Variants in EDEM3 observed in about 807,000 individuals in gnomAD.
EDEM3 encodes the protein ER degradation enhancing alpha-mannosidase like protein 3, also known as ER degradation-enhancing alpha-mannosidase-like protein 3.
In EDEM3, 60 loss-of-function variants were observed where a neutral mutation model predicts 110.2. That is an observed-to-expected ratio of 0.54 (90% CI 0.44 to 0.67). The LOEUF (loss-of-function observed/expected upper bound fraction) is 0.67, where lower values mean the gene tolerates loss of function less well. Among genes scored for constraint, EDEM3 ranks in the 30% least tolerant of loss-of-function variants. The probability of loss-of-function intolerance (pLI) is 0.00; values close to 1 mark genes in which losing one functional copy is unlikely to be tolerated. For synonymous variants in EDEM3, 352 were observed against 382.9 expected, an observed-to-expected ratio of 0.92 and a Z score of 0.94; for missense variants, 996 against 1,121.0, an observed-to-expected ratio of 0.89 and a Z score of 1.59.
chr1:184,692,353 T>G lies in EDEM3; in HGVS notation c.*1710A>C, dbSNP rs894362400. ...AGCCAATAAGGGTCTTGCATACTATTCTTTTTCCCCTCCCCAAAGTGAATT... is the reference window on the plus strand; with the variant it reads ...AGCCAATAAGGGTCTTGCATACTATGCTTTTTCCCCTCCCCAAAGTGAATT... On this transcript the variant is annotated 3_prime_UTR_variant, in exon 20 of 20. Coordinates refer to ENST00000318130, the MANE Select transcript of EDEM3 (RefSeq NM_025191.4). 1 of 152,118 alleles carries G rather than the reference T, an allele frequency of 6.6e-6. No individual in the cohort carries two copies. The highest frequency in any genetic ancestry group is 1.5e-5 in the Non-Finnish European group (1 of 67,994). 9.4% of individuals were successfully genotyped at this position (152,118 alleles called of 1,614,324 possible).
At chr1:184,702,564 G>A (rs1163078440) in intron 19 of EDEM3, among the ~76,000 whole-genome samples, 1 of 151,798 alleles carries the variant, frequency 6.6e-6, no homozygotes, top group Non-Finnish European at 1.5e-5. Flanking sequence ...ACAGACTCAG[G>A]GCAAAAATTA....
rs567274783 is a variant in EDEM3 at position 184,724,921 on chromosome 1, G to A, written c.748-1065C>T. On this transcript the variant is annotated intron_variant, in intron 7 of 19. Coordinates refer to ENST00000318130, the MANE Select transcript of EDEM3 (RefSeq NM_025191.4). ...AGACCAAGGGTCAGCAAACCTTTTC[G>A]GACAAGAACCAGGTATTTTAAGCGC... 1.3e-4 allele frequency among the ~76,000 whole-genome samples: 20 copies of A among 152,136 alleles called. No individual in the cohort carries two copies. In the South Asian group the frequency reaches 1.7e-3, roughly 13 times the overall value.
At chr1:184,702,466 G>A (rs1649678894) in intron 19 of EDEM3, among the ~76,000 whole-genome samples, 1 of 152,114 alleles carries the variant, frequency 6.6e-6, no homozygotes, top group Non-Finnish European at 1.5e-5. Context: ...AGACATGTAA[G>A]ATGTAGTATC....
At chr1:184,737,888 A>G (rs1324065774) in intron 2 of EDEM3, among the ~76,000 whole-genome samples, 177 bp from the exon 3 acceptor site, 1 of 152,204 alleles carries the variant, frequency 6.6e-6, no homozygotes, top group Non-Finnish European at 1.5e-5. Context: ...TGCTTGGAAA[A>G]AAGTCAAACA....
chr1:184,693,841 G>C lies in EDEM3; in HGVS notation c.*222C>G, dbSNP rs1272223147. 4 of 498,162 alleles carry C rather than the reference G, an allele frequency of 8.0e-6. No individual in the cohort carries two copies. In the Admixed American group the frequency reaches 1.3e-4, roughly 17 times the overall value. 30.9% of individuals were successfully genotyped at this position (498,162 alleles called of 1,614,324 possible). ...GGTGGTGCAGTGCTGCATTTGAAGG[G>C]GGAACTGTGGATTTCCATTTTTGAT... On this transcript the variant is annotated 3_prime_UTR_variant, in exon 20 of 20. Transcript: ENST00000318130.
At chr1:184,714,080 T>G (rs1650411185) in intron 13 of EDEM3, among the ~76,000 whole-genome samples, 1 of 152,240 alleles carries the variant, frequency 6.6e-6, no homozygotes, top group Non-Finnish European at 1.5e-5. Flanking sequence ...CAACCTTTTC[T>G]GATGGACTGA....
intron 13 of EDEM3, among the ~76,000 whole-genome samples, chr1:184,716,672 G>A (rs1463091626): frequency 4.6e-5 from 7 of 152,212 alleles, no homozygotes; most frequent in East Asian, 3.9e-4. Context: ...AAAATCATTT[G>A]AGCACCTACT....
chr1:184,748,009 C>T (rs181748066), intron 2 of EDEM3, among the ~76,000 whole-genome samples: 201 of 152,222 alleles, frequency 1.3e-3, no homozygotes, highest in African/African-American at 4.7e-3. Context: ...TGGCTAAGGT[C>T]TGAGGGTATA....
rs149304336 is a variant in EDEM3 at position 184,708,248 on chromosome 1, G to A, written c.1942C>T (p.Arg648Ter). 2.5e-6 allele frequency: 4 copies of A among 1,613,552 alleles called. No individual in the cohort carries two copies. Among genetic ancestry groups the A allele is most frequent in the East Asian group, 2.2e-5 (1 of 44,852 alleles). The change falls in exon 17 of 20, where the codon CGA becomes TGA. Residue 648 changes from arginine (R) to a stop codon, truncating the protein, a stop_gained. Coordinates refer to ENST00000318130, the MANE Select transcript of EDEM3 (RefSeq NM_025191.4). LOFTEE classifies it high-confidence loss of function. ...GGGTGGGAAACAATTTGTACAGCTC[G>A]TGGAGGCAGCTGCTGTTCTTTTTGT... The part of the protein sequence containing the change: ...QQQKEQQLPP[R>*]AVQIVSHPFF...
At chr1:184,748,665 C>T in intron 2 of EDEM3, among the ~76,000 whole-genome samples, 1 of 152,020 alleles carries the variant, frequency 6.6e-6, no homozygotes, top group Non-Finnish European at 1.5e-5. Context: ...ACTAAAAATG[C>T]ATAAATTACA....
chr1:184,716,749 G>C (rs1650572671), intron 13 of EDEM3, 139 bp downstream of exon 13: 2 of 1,253,254 alleles, frequency 1.6e-6, no homozygotes, highest in Non-Finnish European at 2.2e-6. Context: ...ATTCAACAGA[G>C]TTTAAAAAAG....
At chr1:184,745,201 AC>A (rs1652361886) in intron 2 of EDEM3, among the ~76,000 whole-genome samples, 3 of 152,150 alleles carry the variant, frequency 2.0e-5, no homozygotes, top group Admixed American at 1.3e-4. Flanking sequence ...GAGTGTGATT[AC>A]AAAATGTTTT....
Position 184,708,321 on chromosome 1 carries a change from T to C in EDEM3, c.1869A>G (p.Glu623=), listed in dbSNP as rs534777297. ...TCTCCTGCATGAACCTCAACCCATC[T>C]TCAGCGTCGATTGAACTAGCAGCCT... is the stretch of plus-strand genomic sequence containing the variant. ...AIQAASSIDA[E]DGLRFMQEMI... is the part of the protein sequence containing the mutation. Residue 623 remains glutamate (E), a synonymous_variant, in exon 17 of 20, where the codon GAA becomes GAG. Transcript: ENST00000318130. 9.9e-6 allele frequency: 16 copies of C among 1,612,334 alleles called. No homozygotes were observed. In the African/African-American group the frequency reaches 2.1e-4, roughly 22 times the overall value.
chr1:184,754,707 C>T lies in EDEM3; in HGVS notation c.-61G>A, dbSNP rs1028740057. ...CCGGCCGGTGAGACACATTGCTGGA[C>T]GCTGGTGGCCAGGGGGCTGCTAGCC... is the stretch of plus-strand genomic sequence containing the variant. On this transcript the variant is annotated 5_prime_UTR_variant, in exon 1 of 20. Coordinates refer to ENST00000318130, the MANE Select transcript of EDEM3 (RefSeq NM_025191.4). The T allele has an allele frequency of 6.2e-6, 9 of 1,463,396 alleles. No homozygotes were observed. Among genetic ancestry groups the T allele is most frequent in the South Asian group, 4.2e-5 (3 of 71,318 alleles). 90.7% of individuals were successfully genotyped at this position (1,463,396 alleles called of 1,614,324 possible). A position where few individuals can be genotyped will look rare whatever the true frequency, so the allele number is the denominator to read the frequency against.
At chr1:184,729,805 C>T (rs911165181) in intron 6 of EDEM3, among the ~76,000 whole-genome samples, 2 of 151,690 alleles carry the variant, frequency 1.3e-5, no homozygotes, top group Non-Finnish European at 2.9e-5. Context: ...TTTACCATAA[C>T]GCTCATAGTA....
intron 9 of EDEM3, among the ~76,000 whole-genome samples, 155 bp from the exon 10 acceptor site, chr1:184,719,723 T>C (rs1210004881): frequency 2.6e-5 from 4 of 152,210 alleles, no homozygotes; most frequent in Non-Finnish European, 4.4e-5. Flanking sequence ...TTATTTTAGA[T>C]GGAGATCTTT....
chr1:184,708,405 T>A (rs76786353), intron 16 of EDEM3, 61 bp from the exon 17 acceptor site: 22,164 of 1,575,490 alleles, frequency 0.014, 264 homozygotes, highest in East Asian at 0.051. Flanking sequence ...AATTTTTTGA[T>A]TTCCTAAAGA....
intron 7 of EDEM3, among the ~76,000 whole-genome samples, chr1:184,724,552 A>T (rs1421339177): frequency 6.6e-6 from 1 of 152,224 alleles, no homozygotes; most frequent in Admixed American, 6.5e-5. Context: ...GGGCAAGTAC[A>T]GGCAGGTTTC....
chr1:184,719,849 C>T (rs952757951), intron 9 of EDEM3, among the ~76,000 whole-genome samples: 2 of 152,206 alleles, frequency 1.3e-5, no homozygotes, highest in East Asian at 1.9e-4. Context: ...TGCCCTGTGG[C>T]GTTAGCCCGT....
Sources: allele counts gnomAD v4.1 joint callset (sites outside exome capture counted in the v4.1 genomes callset), GRCh38; gene constraint gnomAD v4.1.1; transcripts MANE v1.5; gene names NCBI Gene and HGNC (gene_info 2026-07-23, HGNC 2026-07-21).